HP1BP3: variants seen among roughly 807,000 people sequenced by gnomAD.
The protein encoded by HP1BP3 is heterochromatin protein 1-binding protein 3.
HP1BP3 carries 12 observed loss-of-function variants against 62.5 expected under a neutral mutation model. That is an observed-to-expected ratio of 0.19 (90% CI 0.12 to 0.31). The LOEUF (loss-of-function observed/expected upper bound fraction) is 0.31, where lower values mean the gene tolerates loss of function less well. Among genes scored for constraint, HP1BP3 ranks in the 10% least tolerant of loss-of-function variants. The pLI, the probability that HP1BP3 is intolerant of heterozygous loss-of-function variation, is 1.00. For synonymous variants in HP1BP3, 260 were observed against 237.8 expected (o/e 1.09, Z -0.86); for missense variants, 502 against 651.8 (o/e 0.77, Z 2.50).
chr1:20,759,911 CAG>C (rs1490152998), intron 8 of HP1BP3, among the ~76,000 whole-genome samples: 1 of 128,402 alleles, frequency 7.8e-6, no homozygotes, highest in Non-Finnish European at 1.6e-5. Flanking sequence ...TGCCCCGAGA[CAG>C]AGTCTTGCTC....
intron 1 of HP1BP3, among the ~76,000 whole-genome samples, chr1:20,780,794 C>G (rs2057508930): frequency 6.6e-6 from 1 of 152,148 alleles, no homozygotes; most frequent in Non-Finnish European, 1.5e-5. Flanking sequence ...AAGGAAGCTC[C>G]TAAGGAACCT....
chr1:20,747,476 ATAAAT>A lies in HP1BP3; in HGVS notation c.1253+63_1253+67del, dbSNP rs1273236163. The A allele has an allele frequency of 8.0e-6, 8 of 997,212 alleles. No individual in the cohort carries two copies. The East Asian group carries it at 1.7e-4, about 21-fold the overall frequency. 61.8% of individuals were successfully genotyped at this position (997,212 alleles called of 1,614,324 possible). A position where few individuals can be genotyped will look rare whatever the true frequency, so the allele number is the denominator to read the frequency against. Reference sequence around the variant, plus strand: ...TCACTAAAACAGTAATAAGGGTAAAATAAATTAAACTGAGTGTGTAACTTAGACTA... The same window carrying A: ...TCACTAAAACAGTAATAAGGGTAAAATAAACTGAGTGTGTAACTTAGACTA... On this transcript the variant is annotated intron_variant, in intron 11 of 12. Transcript: ENST00000438032.
intron 7 of HP1BP3, among the ~76,000 whole-genome samples, chr1:20,767,247 C>T (rs979638858): frequency 2.0e-5 from 3 of 152,076 alleles, no homozygotes; most frequent in African/African-American, 4.8e-5. Flanking sequence ...ATCCAGGAGG[C>T]GGAGGTTGCA....
intron 8 of HP1BP3, among the ~76,000 whole-genome samples, chr1:20,758,317 T>C (rs2056248706): frequency 2.0e-5 from 3 of 152,068 alleles, no homozygotes; most frequent in Admixed American, 2.0e-4. Context: ...GCTTCGCACA[T>C]ACTAAGAGAC....
In HP1BP3 at chr1:20,783,769, CAAAAAAAAAAAAAA is replaced by C. The variant is rs1164930528; in HGVS notation, c.-100-3243_-100-3230del. 1.5e-4 allele frequency among the ~76,000 whole-genome samples: 8 copies of C among 53,134 alleles called. No homozygotes were observed. In the Admixed American group the frequency reaches 1.6e-3, roughly 10 times the overall value. 34.9% of individuals were successfully genotyped at this position (53,134 alleles called of 152,430 possible). A position where few individuals can be genotyped will look rare whatever the true frequency, so the allele number is the denominator to read the frequency against. ...TGGGTAACAGTGTGAGACTCTGTCTCAAAAAAAAAAAAAAAAAAAAAAAAAGAGATGTTAGCCTC... is the reference window on the plus strand; with the variant it reads ...TGGGTAACAGTGTGAGACTCTGTCTCAAAAAAAAAAAGAGATGTTAGCCTC... On this transcript the variant is annotated intron_variant, in intron 1 of 12. Coordinates refer to ENST00000438032, the MANE Select transcript of HP1BP3 (RefSeq NM_001372052.1).
At chr1:20,745,202 TAAG>T in intron 12 of HP1BP3, 111 bp from the exon 13 acceptor site, 1 of 1,242,968 alleles carries the variant, frequency 8.0e-7, no homozygotes, top group Non-Finnish European at 1.1e-6. Flanking sequence ...TCACTTACGT[TAAG>T]AATAGGAATG....
At chr1:20,755,347 T>C (rs2056037373) in intron 9 of HP1BP3, 1 of 453,910 alleles carries the variant, frequency 2.2e-6, no homozygotes, top group Non-Finnish European at 4.4e-6. Flanking sequence ...GCAGGCAGAC[T>C]ACTTCACTGA....
intron 8 of HP1BP3, among the ~76,000 whole-genome samples, chr1:20,762,623 A>C (rs114371518): frequency 9.1e-4 from 139 of 152,248 alleles, no homozygotes; most frequent in Non-Finnish European, 1.6e-3. Flanking sequence ...TGAAAAAGCT[A>C]ATCAGAAACT....
At chr1:20,749,360 T>C (rs1297304155) in intron 10 of HP1BP3, among the ~76,000 whole-genome samples, 4 of 147,874 alleles carry the variant, frequency 2.7e-5, no homozygotes, top group Non-Finnish European at 6.0e-5. Context: ...TCTTTTCTTT[T>C]CTTTTCTTTT....
At position 20,773,577 on chromosome 1, in the gene HP1BP3, T is replaced by C. The variant is rs1553163406; in HGVS notation, c.384A>G (p.Lys128=). 1.9e-6 allele frequency: 3 copies of C among 1,609,008 alleles called. No homozygotes were observed. The highest frequency in any genetic ancestry group is 3.4e-5 in the Admixed American group (2 of 59,520). ...EKDQSKEKEK[K]VKKTIPSWAT... ...CCCAGGAAGGAATTGTTTTTTTCACTTTCTTCTCCTTTTCTTTAGACTGAT... is the reference window on the plus strand; with the variant it reads ...CCCAGGAAGGAATTGTTTTTTTCACCTTCTTCTCCTTTTCTTTAGACTGAT... The change falls in exon 5 of 13, where the codon AAA becomes AAG. Residue 128 remains lysine, a synonymous_variant. Coordinates refer to ENST00000438032, the MANE Select transcript of HP1BP3 (RefSeq NM_001372052.1).
chr1:20,757,372 A>ATTTT (rs760873385), intron 8 of HP1BP3, 116 bp from the exon 9 acceptor site: 2 of 334,322 alleles, frequency 6.0e-6, no homozygotes, highest in African/African-American at 2.6e-5. Flanking sequence ...TATTATTATT[A>ATTTT]TTTTTTTTTT....
chr1:20,787,195 C>A lies in HP1BP3; in HGVS notation c.-101G>T. The A allele has an allele frequency of 6.6e-6, 1 of 152,074 alleles. No homozygotes were observed. The highest frequency in any genetic ancestry group is 2.0e-4 in the South Asian group (1 of 5,064). 9.4% of individuals were successfully genotyped at this position (152,074 alleles called of 1,614,324 possible). ...GGCCGCCTGTTCGGTCCTGCGTTACCTCTGCGTTCGGCCGGTCCTGGCGCC... is the reference window on the plus strand; with the variant it reads ...GGCCGCCTGTTCGGTCCTGCGTTACATCTGCGTTCGGCCGGTCCTGGCGCC... On this transcript the variant is annotated splice_region_variant and 5_prime_UTR_variant, in exon 1 of 13. The change creates a new upstream start codon in the 5' untranslated region. Transcript: ENST00000438032.
chr1:20,758,540 G>A (rs1459665600), intron 8 of HP1BP3, among the ~76,000 whole-genome samples: 3 of 152,002 alleles, frequency 2.0e-5, no homozygotes, highest in African/African-American at 7.2e-5. Flanking sequence ...TAAAGACGGG[G>A]TTTCACTGTG....
intron 8 of HP1BP3, among the ~76,000 whole-genome samples, chr1:20,764,857 A>G (rs2056692018): frequency 6.6e-6 from 1 of 151,682 alleles, no homozygotes; most frequent in African/African-American, 2.4e-5. Context: ...CCTGGGTAAC[A>G]AGAGCAAGAC....
rs2055164089 is a variant in HP1BP3, at chr1:20,743,963, G to A, written c.*834C>T. On this transcript the variant is annotated 3_prime_UTR_variant, in exon 13 of 13. Coordinates refer to ENST00000438032, the MANE Select transcript of HP1BP3 (RefSeq NM_001372052.1). ...ACACACCTGTAATCCCAGCTACTCG[G>A]GAGGCTGAAGCAGGAGAATTGCTTG... is the stretch of plus-strand genomic sequence containing the variant. 1 of 152,164 alleles carries A rather than the reference G, an allele frequency of 6.6e-6. No homozygotes were observed. The highest frequency in any genetic ancestry group is 1.5e-5 in the Non-Finnish European group (1 of 68,094). 9.4% of individuals were successfully genotyped at this position (152,164 alleles called of 1,614,324 possible).
chr1:20,771,778 A>C (rs2154541021), intron 5 of HP1BP3, among the ~76,000 whole-genome samples: 1 of 152,316 alleles, frequency 6.6e-6, no homozygotes, highest in South Asian at 2.1e-4. Flanking sequence ...ACTTGAAATC[A>C]AATACTTTAA....
At chr1:20,774,069 C>A (rs543913384) in intron 4 of HP1BP3, 3 of 152,560 alleles carry the variant, frequency 2.0e-5, no homozygotes, top group Admixed American at 6.5e-5. Flanking sequence ...TAATATAGAA[C>A]CAACTATTTC....
intron 12 of HP1BP3, 28 bp downstream of exon 12, chr1:20,745,515 C>T (rs376756249): frequency 6.5e-5 from 104 of 1,610,616 alleles, no homozygotes; most frequent in Non-Finnish European, 7.5e-5. Flanking sequence ...TAGTGTCCTC[C>T]CCACAAGGGG....
At chr1:20,785,378 A>G (rs942713954) in intron 1 of HP1BP3, among the ~76,000 whole-genome samples, 2 of 152,246 alleles carry the variant, frequency 1.3e-5, no homozygotes, top group Non-Finnish European at 2.9e-5. Flanking sequence ...CATTTTAGGG[A>G]AAGCACTATA....
Sources: gnomAD v4.1 joint callset for allele counts (sites outside exome capture counted in the v4.1 genomes callset) on GRCh38, gnomAD v4.1.1 for gene constraint, MANE v1.5 for transcripts, NCBI Gene and HGNC (gene_info 2026-07-23, HGNC 2026-07-21) for gene names.